RBM5: variants seen among roughly 807,000 people sequenced by gnomAD.
RBM5 encodes RNA binding motif protein 5, also known as RNA-binding protein 5.
In RBM5, 15 loss-of-function variants were observed where a neutral mutation model predicts 124.6. The ratio of observed to expected loss-of-function variants is 0.12; its 90% CI spans 0.08 to 0.19. The LOEUF is 0.19. Among genes scored for constraint, RBM5 ranks in the 10% least tolerant of loss-of-function variants. The probability of loss-of-function intolerance (pLI) is 1.00; values close to 1 mark genes in which losing one functional copy is unlikely to be tolerated. For missense variants in RBM5, 580 were observed against 1,026.5 expected (o/e 0.57, Z 5.94); for synonymous variants, 337 against 361.2 (o/e 0.93, Z 0.76).
intron 6 of RBM5, chr3:50,102,379 T>G (rs921593910): frequency 2.0e-5 from 3 of 152,170 alleles, no homozygotes; most frequent in Non-Finnish European, 4.4e-5. Flanking sequence ...TTCATTGGCC[T>G]CCTGGTTACT....
At chr3:50,096,854 G>T (rs1050084607) in intron 4 of RBM5, among the ~76,000 whole-genome samples, 5 of 150,732 alleles carry the variant, frequency 3.3e-5, no homozygotes, top group Admixed American at 6.7e-5. Flanking sequence ...CAATCCTCCC[G>T]CCTGGGTCTC....
At position 50,115,614 on chromosome 3, in the gene RBM5, A is replaced by G. The variant is rs2091232847; in HGVS notation, c.2019+7A>G. ...ACTCTCAGACCTTCACAAGGTGGCC[A>G]TGCTTCTGAGCTGATCTGAGGGGGC... On this transcript the variant is annotated splice_region_variant and intron_variant, in intron 21 of 24. Coordinates refer to ENST00000347869, the MANE Select transcript of RBM5 (RefSeq NM_005778.4). The G allele has an allele frequency of 3.7e-6, 6 of 1,607,458 alleles. No individual in the cohort carries two copies. The highest frequency in any genetic ancestry group is 3.4e-6 in the Non-Finnish European group (4 of 1,177,726).
intron 4 of RBM5, 152 bp downstream of exon 4, chr3:50,094,027 T>C (rs116728667): frequency 0.011 from 7,478 of 655,322 alleles, 74 homozygotes; most frequent in Non-Finnish European, 0.014. Context: ...TGTTTTGATA[T>C]TTTTTTTTAA....
chr3:50,092,267 A>G (rs986875756), intron 3 of RBM5, 59 bp downstream of exon 3: 7 of 1,556,456 alleles, frequency 4.5e-6, no homozygotes, highest in African/African-American at 4.1e-5. Flanking sequence ...AGTAATAGAA[A>G]TAACAGCCAG....
intron 15 of RBM5, among the ~76,000 whole-genome samples, chr3:50,110,039 C>T (rs1431341112): frequency 6.6e-6 from 1 of 152,080 alleles, no homozygotes; most frequent in Non-Finnish European, 1.5e-5. Context: ...GGTGAAACCC[C>T]GTCTCTACTA....
rs562819555 is a variant in RBM5 at position 50,117,555 on chromosome 3, T to C, written c.2322+176T>C. On this transcript the variant is annotated intron_variant, in intron 24 of 24. Transcript: ENST00000347869. This position sits in a 1 kb window ranked among gnomAD's most constrained non-coding sequence, Gnocchi z 4.2. ...CAGCACTTTGGGAGGCCGAGGAGGGTGGATTGCCTGAGCCCAGAAGTTTGA... is the reference window on the plus strand; with the variant it reads ...CAGCACTTTGGGAGGCCGAGGAGGGCGGATTGCCTGAGCCCAGAAGTTTGA... The C allele has an allele frequency of 2.8e-5, 24 of 863,308 alleles. No individual in the cohort carries two copies. The African/African-American group carries it at 3.6e-4, about 13-fold the overall frequency. The allele number at this position is 863,308 out of a possible 1,614,324, so 53.5% of individuals were successfully genotyped here.
chr3:50,103,647 A>G (rs1408578216), intron 7 of RBM5, among the ~76,000 whole-genome samples: 1 of 152,168 alleles, frequency 6.6e-6, no homozygotes, highest in Non-Finnish European at 1.5e-5. Context: ...CTCTGTCTCA[A>G]AAAACAAAAA....
intron 3 of RBM5, among the ~76,000 whole-genome samples, chr3:50,092,530 C>G (rs189941048): frequency 1.7e-3 from 248 of 149,972 alleles, no homozygotes; most frequent in Non-Finnish European, 2.1e-3. Flanking sequence ...TCAGTGCTCT[C>G]CAGCATGGGT....
intron 6 of RBM5, chr3:50,101,077 A>C (rs1466494033): frequency 6.5e-6 from 1 of 153,226 alleles, no homozygotes; most frequent in East Asian, 1.9e-4. Flanking sequence ...ATATTTAAGG[A>C]CTTAGTGGAA....
Position 50,106,118 on chromosome 3 carries a change from A to ATTTTT in RBM5, c.855+439_855+443dup, listed in dbSNP as rs61297967. ...CAGGTGCCCGCCACCACGCCCAGCT[A>ATTTTT]TTTTTTTTTTTTTTTTTTTTTTTTT... On this transcript the variant is annotated intron_variant, in intron 10 of 24. Transcript: ENST00000347869. Among the ~76,000 whole-genome samples, 94 of 32,760 alleles carry ATTTTT rather than the reference A, an allele frequency of 2.9e-3. 10 individuals carry two copies. Among genetic ancestry groups the ATTTTT allele is most frequent in the Non-Finnish European group, 3.9e-3 (66 of 16,792 alleles). The allele number at this position is 32,760 out of a possible 152,430, so 21.5% of individuals were successfully genotyped here.
rs555140541 is a variant in RBM5 at position 50,114,672 on chromosome 3, C to T, written c.1839+421C>T. On this transcript the variant is annotated intron_variant, in intron 20 of 24. Coordinates refer to ENST00000347869, the MANE Select transcript of RBM5 (RefSeq NM_005778.4). The stretch of plus-strand genomic sequence containing the variant: ...CAGTCTAGGCAACATTGCAAGACTT[C>T]GTCTCTACTGAAAATTAGAAACAAA... 2.5e-5 allele frequency: 4 copies of T among 160,268 alleles called. No homozygotes were observed. In the South Asian group the frequency reaches 7.5e-4, roughly 30 times the overall value. The allele number at this position is 160,268 out of a possible 1,614,324, so 9.9% of individuals were successfully genotyped here. A position where few individuals can be genotyped will look rare whatever the true frequency, so the allele number is the denominator to read the frequency against.
chr3:50,115,122 T>A (rs1160962909), intron 20 of RBM5: 1 of 265,400 alleles, frequency 3.8e-6, no homozygotes, highest in African/African-American at 2.4e-5. Context: ...GAGCTGAGAT[T>A]ACGCCACTGC....
At chr3:50,113,859 G>C in intron 18 of RBM5, 91 bp from the exon 19 acceptor site, 1 of 1,413,366 alleles carries the variant, frequency 7.1e-7, no homozygotes, top group Non-Finnish European at 9.7e-7. Context: ...TTTGTTACAG[G>C]GCATATAGTT....
At chr3:50,089,296 C>T (rs2090656962) in intron 1 of RBM5, among the ~76,000 whole-genome samples, 1 of 152,218 alleles carries the variant, frequency 6.6e-6, no homozygotes, top group Admixed American at 6.5e-5. Context: ...AATCTTCAGC[C>T]CAACGGAGCA....
chr3:50,110,345 G>A, intron 15 of RBM5, 34 bp from the exon 16 acceptor site: 1 of 1,593,952 alleles, frequency 6.3e-7, no homozygotes, highest in Non-Finnish European at 8.6e-7. Context: ...AGGCTTTACA[G>A]TTGAAATTAT....
intron 20 of RBM5, 56 bp downstream of exon 20, chr3:50,114,307 T>A (rs548271312): frequency 6.6e-7 from 1 of 1,526,634 alleles, no homozygotes; most frequent in African/African-American, 1.4e-5. Context: ...TGTCTCACTT[T>A]AAGGCTCAAC....
At chr3:50,092,259 T>A (rs1289131294) in intron 3 of RBM5, 51 bp downstream of exon 3, 6 of 1,568,838 alleles carry the variant, frequency 3.8e-6, no homozygotes, top group Non-Finnish European at 5.2e-6. Context: ...AGCCTTATAG[T>A]AATAGAAATA....
At chr3:50,103,292 T>TA (rs1198134066) in intron 7 of RBM5, 126 bp downstream of exon 7, 5 of 805,398 alleles carry the variant, frequency 6.2e-6, no homozygotes, top group African/African-American at 5.2e-5. Flanking sequence ...CATGGTTTGT[T>TA]ACTTTCCTTG....
chr3:50,118,564 C>CTTA lies in RBM5; in HGVS notation c.*109_*111dup. On this transcript the variant is annotated 3_prime_UTR_variant, in exon 25 of 25. Transcript: ENST00000347869. ...GGCATGCCTTGTGCTGTTAATAGAT[C>CTTA]TTAGGGTGAACCACTTCATTCTGCA... The CTTA allele has an allele frequency of 6.9e-7, 1 of 1,442,668 alleles. No homozygotes were observed. 89.4% of individuals were successfully genotyped at this position (1,442,668 alleles called of 1,614,324 possible).
Sources: allele counts gnomAD v4.1 joint callset (sites outside exome capture counted in the v4.1 genomes callset), GRCh38; gene constraint gnomAD v4.1.1; non-coding constraint Gnocchi (gnomAD v3.1); transcripts MANE v1.5; gene names NCBI Gene and HGNC (gene_info 2026-07-23, HGNC 2026-07-21).